Variants in ZMIZ1 observed in about 807,000 individuals in gnomAD.
The protein encoded by ZMIZ1 is zinc finger MIZ-type containing 1.
In ZMIZ1, 17 loss-of-function variants were observed where a neutral mutation model predicts 113.9. That is an observed-to-expected ratio of 0.15 (90% CI 0.10 to 0.22). ZMIZ1 has a LOEUF of 0.22. ZMIZ1 is among the 10% of genes least tolerant of loss of function. The pLI is 1.00. For missense variants in ZMIZ1, 1,059 were observed against 1,477.8 expected (o/e 0.72, Z 4.65); for synonymous variants, 607 against 603.1 (o/e 1.01, Z -0.09).
chr10:79,075,443 C>T (rs1399260078), intron 1 of ZMIZ1, among the ~76,000 whole-genome samples: 1 of 152,230 alleles, frequency 6.6e-6, no homozygotes, highest in East Asian at 1.9e-4. Context: ...CCAGAGACTT[C>T]TGCCCCTAGA....
At chr10:79,279,992 C>CT (rs113546164) in intron 8 of ZMIZ1, among the ~76,000 whole-genome samples, 53,520 of 139,228 alleles carry the variant, frequency 0.38, 10,316 homozygotes, top group East Asian at 0.64. Context: ...ATTATTATTA[C>CT]TTTTTTTTTT....
intron 4 of ZMIZ1, among the ~76,000 whole-genome samples, chr10:79,199,461 G>A (rs1847979360): frequency 6.6e-6 from 1 of 151,808 alleles, no homozygotes; most frequent in Non-Finnish European, 1.5e-5. Context: ...AGCCAAGATT[G>A]CGCCACTGCA....
chr10:79,137,962 A>T (rs1439787901), intron 2 of ZMIZ1, among the ~76,000 whole-genome samples: 1 of 152,052 alleles, frequency 6.6e-6, no homozygotes, highest in African/African-American at 2.4e-5. Context: ...ACTGTGGTAA[A>T]CCGATCTGGC....
At chr10:79,295,278 A>G (rs1304565839) in intron 12 of ZMIZ1, 1 of 152,252 alleles carries the variant, frequency 6.6e-6, no homozygotes, top group African/African-American at 2.4e-5. Context: ...CACCTGTGCC[A>G]TGCTTATGGC....
intron 1 of ZMIZ1, among the ~76,000 whole-genome samples, chr10:79,090,017 G>C (rs1842940207): frequency 6.6e-6 from 1 of 152,130 alleles, no homozygotes; most frequent in Non-Finnish European, 1.5e-5. Flanking sequence ...AGCTTTTAAG[G>C]CTTCTGCAAC....
intron 1 of ZMIZ1, among the ~76,000 whole-genome samples, chr10:79,106,498 C>G (rs1306927784): frequency 1.3e-5 from 2 of 152,246 alleles, no homozygotes; most frequent in Non-Finnish European, 2.9e-5. Context: ...CTCCCCCAAG[C>G]CTGTGGCTAG....
At chr10:79,290,613 G>A (rs1316877474) in intron 9 of ZMIZ1, 9 of 456,852 alleles carry the variant, frequency 2.0e-5, no homozygotes, top group Admixed American at 5.2e-5. Context: ...AGGCTTCATG[G>A]CCAGGGCTCT....
chr10:79,080,382 C>T (rs974126601), intron 1 of ZMIZ1, among the ~76,000 whole-genome samples: 9 of 147,260 alleles, frequency 6.1e-5, no homozygotes, highest in African/African-American at 1.8e-4. Context: ...TCTCGGCTCA[C>T]TGCAGCCTCT....
At chr10:79,247,950 G>A (rs910471005) in intron 7 of ZMIZ1, among the ~76,000 whole-genome samples, 2 of 152,214 alleles carry the variant, frequency 1.3e-5, no homozygotes, top group Non-Finnish European at 2.9e-5. Context: ...GGGCCTGAGT[G>A]TCTCATCTCT....
chr10:79,192,519 C>A (rs1276684595), intron 4 of ZMIZ1, among the ~76,000 whole-genome samples: 1 of 152,194 alleles, frequency 6.6e-6, no homozygotes, highest in African/African-American at 2.4e-5. Flanking sequence ...AGTGCCAAGC[C>A]AAAGCATCTG....
chr10:79,134,226 C>G (rs181895518), intron 2 of ZMIZ1, among the ~76,000 whole-genome samples: 1 of 152,290 alleles, frequency 6.6e-6, no homozygotes, highest in African/African-American at 2.4e-5. Context: ...GAAGGTGCTG[C>G]AGTCTGATTG....
intron 9 of ZMIZ1, 129 bp from the exon 10 acceptor site, chr10:79,290,829 AT>A (rs1648946908): frequency 3.7e-6 from 4 of 1,080,802 alleles, no homozygotes; most frequent in Non-Finnish European, 5.6e-6. Context: ...TCCACCCTCC[AT>A]TTTTTTCCTC....
At chr10:79,112,698 C>G (rs144190191) in intron 1 of ZMIZ1, among the ~76,000 whole-genome samples, 1 of 152,302 alleles carries the variant, frequency 6.6e-6, no homozygotes, top group East Asian at 1.9e-4. Flanking sequence ...CCACCACCCA[C>G]CCGTTCCTGC....
intron 2 of ZMIZ1, among the ~76,000 whole-genome samples, chr10:79,132,509 C>T (rs990792000): frequency 1.3e-4 from 20 of 152,212 alleles, no homozygotes; most frequent in African/African-American, 4.8e-4. Flanking sequence ...GCCTGCCCCA[C>T]CTAAATTCCT....
chr10:79,244,150 T>G (rs770000571), intron 7 of ZMIZ1, among the ~76,000 whole-genome samples: 3 of 152,256 alleles, frequency 2.0e-5, no homozygotes, highest in Non-Finnish European at 4.4e-5. Flanking sequence ...TTTGTCAGAA[T>G]GCAGCCCTGA....
At chr10:79,257,347 AC>A (rs1850979286) in intron 7 of ZMIZ1, among the ~76,000 whole-genome samples, 1 of 152,342 alleles carries the variant, frequency 6.6e-6, no homozygotes, top group East Asian at 1.9e-4. Context: ...GGTCTTTTGC[AC>A]CTGGTGCCAC....
At chr10:79,261,444 G>C (rs1402629584) in intron 7 of ZMIZ1, among the ~76,000 whole-genome samples, 1 of 152,218 alleles carries the variant, frequency 6.6e-6, no homozygotes, top group East Asian at 1.9e-4. Context: ...AAACACTGCA[G>C]AGGCCTAAAC....
intron 2 of ZMIZ1, among the ~76,000 whole-genome samples, chr10:79,138,973 G>A (rs1384205781): frequency 1.3e-5 from 2 of 152,180 alleles, no homozygotes; most frequent in African/African-American, 2.4e-5. Context: ...CCTAAAGAGC[G>A]TGGAGGAAGA....
rs1279092593 is a variant in ZMIZ1, at chr10:79,077,927, G to A, written c.-337+8657G>A. ...GATTTACAGATGAGACGGTGAAGTC[G>A]ATTGCCCAGGTCATGTGGTGCCTGG... On this transcript the variant is annotated intron_variant, in intron 1 of 24. Transcript: ENST00000334512. Among the ~76,000 whole-genome samples, 9 of 152,298 alleles carry A rather than the reference G, an allele frequency of 5.9e-5. No homozygotes were observed. The East Asian group carries it at 1.7e-3, about 29-fold the overall frequency.
Sources: allele counts gnomAD v4.1 joint callset (sites outside exome capture counted in the v4.1 genomes callset), GRCh38; gene constraint gnomAD v4.1.1; transcripts MANE v1.5; gene names NCBI Gene and HGNC (gene_info 2026-07-23, HGNC 2026-07-21).